Variants in LRRC41 observed in about 807,000 individuals in gnomAD.
LRRC41 encodes the protein leucine-rich repeat-containing protein 41.
A neutral mutation model predicts 72.1 loss-of-function variants in LRRC41; 17 were observed. That is an observed-to-expected ratio of 0.24 (90% CI 0.16 to 0.35). The LOEUF (loss-of-function observed/expected upper bound fraction) is 0.35. Ranked by LOEUF, LRRC41 falls within the 10% of genes least tolerant of loss-of-function variation. The probability of loss-of-function intolerance (pLI) is 1.00; values close to 1 mark genes in which losing one functional copy is unlikely to be tolerated. For synonymous variants in LRRC41, 427 were observed against 431.0 expected, an observed-to-expected ratio of 0.99 and a Z score of 0.11; for missense variants, 759 against 1,065.0, an observed-to-expected ratio of 0.71 and a Z score of 4.00.
chr1:46,298,387 A>C lies in LRRC41; in HGVS notation c.200-17T>G. On this transcript the variant is annotated splice_polypyrimidine_tract_variant and intron_variant, in intron 1 of 9. Transcript: ENST00000617190. ...CTGGGAGGGCTACAAAAATCAAAAC[A>C]AAAGTTTACTTTTCCTCCCCTCCCC... 1 of 1,567,822 alleles carries C rather than the reference A, an allele frequency of 6.4e-7. No homozygotes were observed. The highest frequency in any genetic ancestry group is 8.8e-7 in the Non-Finnish European group (1 of 1,142,822).
At position 46,279,452 on chromosome 1, in the gene LRRC41, AG is replaced by A. The variant is rs2148311024; in HGVS notation, c.2143+39del. The A allele has an allele frequency of 6.2e-7, 1 of 1,614,096 alleles. No individual in the cohort carries two copies. The highest frequency in any genetic ancestry group is 1.1e-5 in the South Asian group (1 of 91,082). On this transcript the variant is annotated intron_variant, in intron 8 of 9. Coordinates refer to ENST00000617190, the MANE Select transcript of LRRC41 (RefSeq NM_006369.5). The surrounding 1 kb of genome is among the most constrained non-coding windows in gnomAD (Gnocchi z 4.5). Reference sequence around the variant, plus strand: ...CAGTGAGTTTTTAGGTCAAAGGCCTAGCTCCTTTCCCCTCTCCCTCCCCAGG... The same window carrying A: ...CAGTGAGTTTTTAGGTCAAAGGCCTACTCCTTTCCCCTCTCCCTCCCCAGG...
At position 46,278,481 on chromosome 1, in the gene LRRC41, TGA is replaced by T. The variant is rs1660692006; in HGVS notation, c.*382_*383del. On this transcript the variant is annotated 3_prime_UTR_variant, in exon 10 of 10. Transcript: ENST00000617190. ...TAAAGGTATGAAAGGGTTTGAGGCCTGAGAGCAGTGTGGTAAGCCCAGCAGGG... is the reference window on the plus strand; with the variant it reads ...TAAAGGTATGAAAGGGTTTGAGGCCTGAGCAGTGTGGTAAGCCCAGCAGGG... 2 of 695,880 alleles carry T rather than the reference TGA, an allele frequency of 2.9e-6. No individual in the cohort carries two copies. Among genetic ancestry groups the T allele is most frequent in the Non-Finnish European group, 4.8e-6 (2 of 414,600 alleles). The allele number at this position is 695,880 out of a possible 1,614,324, so 43.1% of individuals were successfully genotyped here. A position where few individuals can be genotyped will look rare whatever the true frequency, so the allele number is the denominator to read the frequency against.
chr1:46,302,621 C>T lies in LRRC41; in HGVS notation c.199+503G>A. 1.0e-6 allele frequency: 1 copy of T among 985,374 alleles called. No homozygotes were observed. Among genetic ancestry groups the T allele is most frequent in the South Asian group, 4.7e-5 (1 of 21,288 alleles). The allele number at this position is 985,374 out of a possible 1,614,324, so 61.0% of individuals were successfully genotyped here. A position where few individuals can be genotyped will look rare whatever the true frequency, so the allele number is the denominator to read the frequency against. Reference sequence around the variant, plus strand: ...ATCGGCTTGGCCTCCGGAATCTCGACCCCCGTGGCGTGTCAGGCAGATGCT... The same window carrying T: ...ATCGGCTTGGCCTCCGGAATCTCGATCCCCGTGGCGTGTCAGGCAGATGCT... On this transcript the variant is annotated intron_variant, in intron 1 of 9. Transcript: ENST00000617190. The surrounding 1 kb of genome is among the most constrained non-coding windows in gnomAD (Gnocchi z 4.7).
chr1:46,286,814 AT>A lies in LRRC41; in HGVS notation c.358-316del, dbSNP rs1189614337. 6.6e-6 allele frequency among the ~76,000 whole-genome samples: 1 copy of A among 151,978 alleles called. No individual in the cohort carries two copies. Among genetic ancestry groups the A allele is most frequent in the Non-Finnish European group, 1.5e-5 (1 of 67,974 alleles). ...CTTCCATGTTTGTTTCTAGAACCTT[AT>A]CCCAATTTTTTTTTTCTTTTTAAGA... is the stretch of plus-strand genomic sequence containing the variant. On this transcript the variant is annotated intron_variant, in intron 3 of 9. Coordinates refer to ENST00000617190, the MANE Select transcript of LRRC41 (RefSeq NM_006369.5). The surrounding 1 kb of genome is among the most constrained non-coding windows in gnomAD (Gnocchi z 5.5).
In LRRC41 at chr1:46,279,701, T is replaced by C. The variant is rs1660729263; in HGVS notation, c.2021-87A>G. On this transcript the variant is annotated intron_variant, in intron 7 of 9. Transcript: ENST00000617190. The surrounding 1 kb of genome is among the most constrained non-coding windows in gnomAD (Gnocchi z 4.5). ...CCCCAGTTGGCCCTAGCAAGGGGTA[T>C]TAACATTATAGAGGCCCAAAAAGAG... is the stretch of plus-strand genomic sequence containing the variant. 4 of 1,526,074 alleles carry C rather than the reference T, an allele frequency of 2.6e-6. No individual in the cohort carries two copies. The South Asian group carries it at 4.7e-5, about 18-fold the overall frequency. The allele number at this position is 1,526,074 out of a possible 1,614,324, so 94.5% of individuals were successfully genotyped here. A position where few individuals can be genotyped will look rare whatever the true frequency, so the allele number is the denominator to read the frequency against.
intron 3 of LRRC41, among the ~76,000 whole-genome samples, chr1:46,296,236 G>A (rs567794822): frequency 1.3e-5 from 2 of 152,284 alleles, no homozygotes; most frequent in South Asian, 4.1e-4. Context: ...CCAACATGGA[G>A]AAACCCTGTC....
chr1:46,302,141 G>A lies in LRRC41; in HGVS notation c.199+983C>T, dbSNP rs1301396735. On this transcript the variant is annotated intron_variant, in intron 1 of 9. Coordinates refer to ENST00000617190, the MANE Select transcript of LRRC41 (RefSeq NM_006369.5). The surrounding 1 kb of genome is among the most constrained non-coding windows in gnomAD (Gnocchi z 4.7). ...GGCGCCCCAGGCCGCCCTCCATCCAGGCCCGGCCCTTTGGTCCCGGCCGCC... is the reference window on the plus strand; with the variant it reads ...GGCGCCCCAGGCCGCCCTCCATCCAAGCCCGGCCCTTTGGTCCCGGCCGCC... 1.0e-6 allele frequency: 1 copy of A among 985,092 alleles called. No homozygotes were observed. The allele number at this position is 985,092 out of a possible 1,614,324, so 61.0% of individuals were successfully genotyped here.
Position 46,281,360 on chromosome 1 carries a change from C to T in LRRC41, c.1521G>A (p.Leu507=), listed in dbSNP as rs188536522. The change falls in exon 5 of 10, where the codon CTG becomes CTA. Residue 507 remains leucine (L), a synonymous_variant. Transcript: ENST00000617190. ...YNGLGSNIFR[L]LDSLRALSGQ... ...CTGACAGGGCCCGCAGGCTGTCTAGCAGGCGGAAGATGTTAGAGCCCAGGC... is the reference window on the plus strand; with the variant it reads ...CTGACAGGGCCCGCAGGCTGTCTAGTAGGCGGAAGATGTTAGAGCCCAGGC... 1 of 1,614,172 alleles carries T rather than the reference C, an allele frequency of 6.2e-7. No individual in the cohort carries two copies.
rs889076775 is a variant in LRRC41 at position 46,278,097 on chromosome 1, A to G, written c.*768T>C. On this transcript the variant is annotated 3_prime_UTR_variant, in exon 10 of 10. Transcript: ENST00000617190. ...GTTGCACTGCCGACGTTGTGTCAACAGCCGTCAGATCCGGCCACCCCCTGA... is the reference window on the plus strand; with the variant it reads ...GTTGCACTGCCGACGTTGTGTCAACGGCCGTCAGATCCGGCCACCCCCTGA... The G allele has an allele frequency of 6.2e-7, 1 of 1,614,106 alleles. No individual in the cohort carries two copies. The highest frequency in any genetic ancestry group is 8.5e-7 in the Non-Finnish European group (1 of 1,179,990).
chr1:46,281,132 C>T lies in LRRC41; in HGVS notation c.1749G>A (p.Glu583=). 6.2e-7 allele frequency: 1 copy of T among 1,613,846 alleles called. No homozygotes were observed. ...GPPSHIIGDE[E]IPENCLEQLE... ...ACACACACAGTGCTTCACCTGGTAT[C>T]TCCTCATCGCCTATTATGTGGCTAG... Residue 583 remains glutamate, a synonymous_variant, in exon 5 of 10, where the codon GAG becomes GAA. Coordinates refer to ENST00000617190, the MANE Select transcript of LRRC41 (RefSeq NM_006369.5).
intron 5 of LRRC41, among the ~76,000 whole-genome samples, chr1:46,280,899 T>C (rs1466660521): frequency 6.6e-6 from 1 of 152,204 alleles, no homozygotes; most frequent in Non-Finnish European, 1.5e-5. Flanking sequence ...TTTCCTTTTC[T>C]GGAGACCAAG....
rs1243135387 is a variant in LRRC41 at position 46,302,757 on chromosome 1, G to A, written c.199+367C>T. 2 of 985,120 alleles carry A rather than the reference G, an allele frequency of 2.0e-6. No individual in the cohort carries two copies. Among genetic ancestry groups the A allele is most frequent in the Non-Finnish European group, 2.4e-6 (2 of 829,806 alleles). 61.0% of individuals were successfully genotyped at this position (985,120 alleles called of 1,614,324 possible). A position where few individuals can be genotyped will look rare whatever the true frequency, so the allele number is the denominator to read the frequency against. ...GCCCTAGGGCAGCCGGGCCATCGCT[G>A]CCCACCGGTTCGACATCCGAGACTC... On this transcript the variant is annotated intron_variant, in intron 1 of 9. Coordinates refer to ENST00000617190, the MANE Select transcript of LRRC41 (RefSeq NM_006369.5). The surrounding 1 kb of genome is among the most constrained non-coding windows in gnomAD (Gnocchi z 4.7).
In LRRC41 at chr1:46,302,637, G is replaced by C; in HGVS notation, c.199+487C>G. On this transcript the variant is annotated intron_variant, in intron 1 of 9. Coordinates refer to ENST00000617190, the MANE Select transcript of LRRC41 (RefSeq NM_006369.5). The surrounding 1 kb of genome is among the most constrained non-coding windows in gnomAD (Gnocchi z 4.7). Reference sequence around the variant, plus strand: ...GAATCTCGACCCCCGTGGCGTGTCAGGCAGATGCTGGAGCCCCGGGGCCAT... The same window carrying C: ...GAATCTCGACCCCCGTGGCGTGTCACGCAGATGCTGGAGCCCCGGGGCCAT... The C allele has an allele frequency of 8.1e-6, 8 of 985,342 alleles. No homozygotes were observed. The highest frequency in any genetic ancestry group is 9.6e-6 in the Non-Finnish European group (8 of 829,902). The allele number at this position is 985,342 out of a possible 1,614,324, so 61.0% of individuals were successfully genotyped here. A position where few individuals can be genotyped will look rare whatever the true frequency, so the allele number is the denominator to read the frequency against.
At position 46,279,273 on chromosome 1, in the gene LRRC41, G is replaced by T; in HGVS notation, c.2144-16C>A. On this transcript the variant is annotated splice_polypyrimidine_tract_variant and intron_variant, in intron 8 of 9. Coordinates refer to ENST00000617190, the MANE Select transcript of LRRC41 (RefSeq NM_006369.5). This position sits in a 1 kb window ranked among gnomAD's most constrained non-coding sequence, Gnocchi z 4.5. ...CCAGCATTCCCTGGAGAGAAGGGGA[G>T]AACGCCTATCACCTCCACCCAAGAA... 1 of 1,613,520 alleles carries T rather than the reference G, an allele frequency of 6.2e-7. No homozygotes were observed. Among genetic ancestry groups the T allele is most frequent in the South Asian group, 1.1e-5 (1 of 91,022 alleles).
At chr1:46,287,792 G>A (rs899676991) in intron 3 of LRRC41, among the ~76,000 whole-genome samples, 1 of 152,152 alleles carries the variant, frequency 6.6e-6, no homozygotes, top group Non-Finnish European at 1.5e-5. Context: ...CTGGTATGTT[G>A]TCTCATGGTG....
intron 4 of LRRC41, among the ~76,000 whole-genome samples, chr1:46,281,681 GCA>G (rs1333863659): frequency 6.6e-6 from 1 of 152,252 alleles, no homozygotes; most frequent in Non-Finnish European, 1.5e-5. Flanking sequence ...TGAATGACAG[GCA>G]CAGACAGTAG....
chr1:46,290,933 T>TG lies in LRRC41; in HGVS notation c.358-4435_358-4434insC, dbSNP rs1206876131. ...TGTTTCTAGTTTTTTTTTTTTTTTTTTTTTTTTTTTTAAGACATTCCTGCT... is the reference window on the plus strand; with the variant it reads ...TGTTTCTAGTTTTTTTTTTTTTTTTTGTTTTTTTTTTTAAGACATTCCTGCT... On this transcript the variant is annotated intron_variant, in intron 3 of 9. Coordinates refer to ENST00000617190, the MANE Select transcript of LRRC41 (RefSeq NM_006369.5). Among the ~76,000 whole-genome samples the TG allele has an allele frequency of 2.3e-4, 33 of 146,638 alleles. 2 individuals carry two copies. Among genetic ancestry groups the TG allele is most frequent in the East Asian group, 4.0e-4 (2 of 5,052 alleles).
chr1:46,301,447 C>G (rs1050546280), intron 1 of LRRC41, among the ~76,000 whole-genome samples: 1 of 151,550 alleles, frequency 6.6e-6, no homozygotes, highest in Non-Finnish European at 1.5e-5. Flanking sequence ...TCGGCCTGCC[C>G]CTTGTCTTCT....
At chr1:46,299,394 GAC>G (rs1426739519) in intron 1 of LRRC41, 1 of 152,170 alleles carries the variant, frequency 6.6e-6, no homozygotes, top group Non-Finnish European at 1.5e-5. Flanking sequence ...GAGCCCAGGT[GAC>G]ACAGTGAGAA....
Sources: gnomAD v4.1 joint callset for allele counts (sites outside exome capture counted in the v4.1 genomes callset) on GRCh38, gnomAD v4.1.1 for gene constraint, Gnocchi (gnomAD v3.1) non-coding constraint, MANE v1.5 for transcripts, NCBI Gene and HGNC (gene_info 2026-07-23, HGNC 2026-07-21) for gene names.